Variants in ART3 observed in about 807,000 individuals in gnomAD.
The protein encoded by ART3 is ADP-ribosyltransferase 3 (inactive).
ART3 carries 49 observed loss-of-function variants against 48.5 expected under a neutral mutation model. That is an observed-to-expected ratio of 1.01 (90% CI 0.80 to 1.28). The LOEUF is 1.28. Among genes scored for constraint, ART3 ranks in the 50% most tolerant of loss-of-function variants. ART3 has a pLI of 0.00. For synonymous variants in ART3, 145 were observed against 157.2 expected, an observed-to-expected ratio of 0.92 and a Z score of 0.58; for missense variants, 438 against 454.3, an observed-to-expected ratio of 0.96 and a Z score of 0.33.
intron 1 of ART3, among the ~76,000 whole-genome samples, chr4:76,045,530 G>T (rs9998659): frequency 0.62 from 93,551 of 151,720 alleles, 30,195 homozygotes; most frequent in East Asian, 0.94. Flanking sequence ...GCCAGCCTTT[G>T]GCTACTACAT....
intron 1 of ART3, among the ~76,000 whole-genome samples, chr4:76,048,432 G>T (rs370985915): frequency 3.3e-5 from 5 of 151,778 alleles, no homozygotes; most frequent in African/African-American, 1.2e-4. Context: ...AATGGCTTAG[G>T]ATGCATTTCA....
At chr4:76,048,151 G>A (rs1735690775) in intron 1 of ART3, among the ~76,000 whole-genome samples, 1 of 151,934 alleles carries the variant, frequency 6.6e-6, no homozygotes, top group African/African-American at 2.4e-5. Flanking sequence ...AGGATATGGG[G>A]ATAAGCTGAG....
At chr4:76,059,713 C>T (rs549247935) in intron 1 of ART3, among the ~76,000 whole-genome samples, 2 of 152,076 alleles carry the variant, frequency 1.3e-5, no homozygotes, top group Admixed American at 6.5e-5. Context: ...GTGACTCTGA[C>T]AATTTAGAGA....
rs145856579 is a variant in ART3, at chr4:76,100,815, G to A, written c.898G>A (p.Glu300Lys). ...EDHSEKNWKL[E>K]DHGEKNQKLE... Reference sequence around the variant, plus strand: ...CTCAGGTGAGAAAAACTGGAAGCTTGAAGACCATGGTAAGACATTTTTTAT... The same window carrying A: ...CTCAGGTGAGAAAAACTGGAAGCTTAAAGACCATGGTAAGACATTTTTTAT... The change falls in exon 7 of 12, where the codon GAA (glutamate) becomes AAA (lysine). Residue 300 changes from glutamate to lysine, a missense_variant. By Grantham distance (56) the Glu-to-Lys change is moderately conservative. Transcript: ENST00000355810. 1.6e-4 allele frequency: 261 copies of A among 1,612,502 alleles called. 2 individuals carry two copies. Among genetic ancestry groups the A allele is most frequent in the Non-Finnish European group, 2.1e-4 (252 of 1,179,760 alleles).
intron 8 of ART3, among the ~76,000 whole-genome samples, chr4:76,103,042 A>G (rs1390035786): frequency 6.6e-6 from 1 of 152,138 alleles, no homozygotes. Context: ...TGAGTTTTCT[A>G]CTACAGAAGT....
At chr4:76,036,197 T>G in intron 1 of ART3, 1 of 533,024 alleles carries the variant, frequency 1.9e-6, no homozygotes, top group Non-Finnish European at 3.3e-6. Context: ...TTTTGTTCTC[T>G]TCTAAATGTT....
At chr4:76,103,996 G>C (rs772389129) in intron 9 of ART3, 27 bp downstream of exon 9, 73 of 1,608,936 alleles carry the variant, frequency 4.5e-5, no homozygotes, top group Non-Finnish European at 5.7e-5. Context: ...TTTACTCCCT[G>C]AGCCCAAGAA....
chr4:76,100,832 A>G lies in ART3; in HGVS notation c.907+8A>G. The G allele has an allele frequency of 1.1e-5, 18 of 1,611,314 alleles. No homozygotes were observed. The highest frequency in any genetic ancestry group is 1.5e-5 in the Non-Finnish European group (18 of 1,179,418). On this transcript the variant is annotated splice_region_variant and intron_variant, in intron 7 of 11. Coordinates refer to ENST00000355810, the MANE Select transcript of ART3 (RefSeq NM_001130016.3). ...GGAAGCTTGAAGACCATGGTAAGAC[A>G]TTTTTTATAAATTCTGGGGGCTTAC...
intron 6 of ART3, 61 bp downstream of exon 6, chr4:76,100,381 C>T: frequency 6.5e-7 from 1 of 1,550,110 alleles, no homozygotes; most frequent in Non-Finnish European, 8.8e-7. Flanking sequence ...GCCTGTAATC[C>T]CAGCACTTTG....
intron 1 of ART3, among the ~76,000 whole-genome samples, chr4:76,044,990 T>A (rs920545034): frequency 1.3e-5 from 2 of 152,120 alleles, no homozygotes; most frequent in Non-Finnish European, 2.9e-5. Context: ...ATAAGCATAC[T>A]TGTTATCTGT....
At chr4:76,098,828 G>A in intron 4 of ART3, 127 bp from the exon 5 acceptor site, 3 of 740,924 alleles carry the variant, frequency 4.0e-6, no homozygotes, top group Non-Finnish European at 6.5e-6. Context: ...TATAGTAACT[G>A]TATTTTTATG....
intron 1 of ART3, among the ~76,000 whole-genome samples, chr4:76,051,007 C>G (rs532642742): frequency 1.3e-5 from 2 of 150,768 alleles, no homozygotes; most frequent in Admixed American, 1.3e-4. Flanking sequence ...TGCAAGCCCA[C>G]GCGCAGCCCT....
intron 3 of ART3, among the ~76,000 whole-genome samples, chr4:76,096,351 A>G (rs1726008291): frequency 6.6e-6 from 1 of 152,224 alleles, no homozygotes; most frequent in South Asian, 2.1e-4. Flanking sequence ...TAGAAAGTGG[A>G]CCAAATCACC....
chr4:76,079,030 G>A (rs549612988), intron 2 of ART3, among the ~76,000 whole-genome samples: 32 of 152,118 alleles, frequency 2.1e-4, no homozygotes, highest in African/African-American at 7.2e-4. Flanking sequence ...GCAGTGAGCC[G>A]AAATAGTGCC....
At chr4:76,087,584 C>T (rs1016861462) in intron 3 of ART3, among the ~76,000 whole-genome samples, 4 of 152,082 alleles carry the variant, frequency 2.6e-5, no homozygotes, top group Non-Finnish European at 4.4e-5. Context: ...ATTTTTACTG[C>T]GTTACGTTTA....
At chr4:76,111,993 A>T (rs1008347495) in intron 11 of ART3, 1 of 154,658 alleles carries the variant, frequency 6.5e-6, no homozygotes, top group Admixed American at 6.5e-5. Context: ...CTGGAATTAC[A>T]GGTGTGAGCC....
chr4:76,074,703 C>T (rs1392259970), upstream of ART3: 1 of 152,200 alleles, frequency 6.6e-6, no homozygotes, highest in African/African-American at 2.4e-5. Flanking sequence ...GCATTCCTGT[C>T]TCAGCTCTCA....
rs6532164 is a variant in ART3, at chr4:76,062,623, G to T, written c.-9-13258G>T. On this transcript the variant is annotated intron_variant, in intron 1 of 9. Coordinates refer to the ART3 transcript ENST00000341029. The stretch of plus-strand genomic sequence containing the variant: ...TTGCCCAGACTGGAGTGCAGTGGTG[G>T]GATCTCGGCTCACGGCAAGCTCCGC... Among the ~76,000 whole-genome samples the T allele has an allele frequency of 4.1e-5, 6 of 146,442 alleles. No individual in the cohort carries two copies. In the East Asian group the frequency reaches 8.2e-4, roughly 20 times the overall value.
intron 1 of ART3, among the ~76,000 whole-genome samples, chr4:76,023,958 C>T (rs936856302): frequency 4.6e-5 from 7 of 152,152 alleles, no homozygotes; most frequent in African/African-American, 1.7e-4. Flanking sequence ...CCTGGACAGT[C>T]CTCCTTGATC....
Sources: gnomAD v4.1 joint callset for allele counts (sites outside exome capture counted in the v4.1 genomes callset) on GRCh38, gnomAD v4.1.1 for gene constraint, MANE v1.5 for transcripts, NCBI Gene and HGNC (gene_info 2026-07-23, HGNC 2026-07-21) for gene names.